Variants in MYOM2 observed in about 807,000 individuals in gnomAD.
The protein encoded by MYOM2 is myomesin 2, also known as myomesin-2.
MYOM2 carries 254 observed loss-of-function variants against 187.6 expected under a neutral mutation model. That is an observed-to-expected ratio of 1.35 (90% CI 1.22 to 1.50). The LOEUF (loss-of-function observed/expected upper bound fraction) is 1.50, where lower values mean the gene tolerates loss of function less well. Ranked by LOEUF, MYOM2 falls within the 40% of genes most tolerant of loss-of-function variation. The pLI is 0.00. For synonymous variants in MYOM2, 981 were observed against 753.8 expected (o/e 1.30, Z -4.94); for missense variants, 2,796 against 1,924.0 (o/e 1.45, Z -8.48).
intron 28 of MYOM2, chr8:2,118,988 A>G (rs1035312917): frequency 2.0e-5 from 3 of 152,306 alleles, no homozygotes; most frequent in African/African-American, 7.2e-5. Context: ...AGGGAAGTGT[A>G]CTGGAGGACC....
intron 35 of MYOM2, among the ~76,000 whole-genome samples, chr8:2,143,048 G>A (rs368359504): frequency 3.3e-5 from 5 of 151,996 alleles, no homozygotes; most frequent in African/African-American, 7.2e-5. Flanking sequence ...GAGCCACTGC[G>A]CCTGGCCAGG....
At chr8:2,086,893 A>G (rs1796110637) in intron 14 of MYOM2, among the ~76,000 whole-genome samples, 1 of 152,026 alleles carries the variant, frequency 6.6e-6, no homozygotes, top group African/African-American at 2.4e-5. Flanking sequence ...GGAAATGCAC[A>G]CAAGACGCAG....
chr8:2,093,983 G>A lies in MYOM2; in HGVS notation c.2017G>A (p.Gly673Ser), dbSNP rs750213023. The change falls in exon 17 of 37, where the codon GGC (glycine) becomes AGC (serine). Residue 673 changes from glycine to serine, a missense_variant. Physicochemically the swap from Gly to Ser is moderately conservative, Grantham distance 56 (BLOSUM62 0). Transcript: ENST00000262113. ...PIGYNRFVVH[G>S]LTTGEQYIFR... The stretch of plus-strand genomic sequence containing the variant: ...TGTGTTTCTCAGGTTCGTGGTGCAC[G>A]GCTTAACCACGGGAGAGCAGTACAT... 2.2e-5 allele frequency: 35 copies of A among 1,614,010 alleles called. No homozygotes were observed. The highest frequency in any genetic ancestry group is 3.3e-5 in the Admixed American group (2 of 59,988).
chr8:2,109,673 T>G, intron 25 of MYOM2, 142 bp downstream of exon 25: 6 of 864,262 alleles, frequency 6.9e-6, no homozygotes, highest in Non-Finnish European at 1.0e-5. Flanking sequence ...GTTGACAAGA[T>G]GAATGGAGAT....
chr8:2,124,357 G>C, intron 31 of MYOM2, 140 bp downstream of exon 31: 2 of 766,022 alleles, frequency 2.6e-6, no homozygotes, highest in East Asian at 5.7e-5. Flanking sequence ...GGAAGGGCAG[G>C]GTGGTGATCT....
chr8:2,081,177 C>T (rs375871108), intron 13 of MYOM2, among the ~76,000 whole-genome samples: 1 of 98,244 alleles, frequency 1.0e-5, no homozygotes, highest in African/African-American at 3.8e-5. Flanking sequence ...TTGGTTCTGG[C>T]CTGCGGGAGG....
intron 3 of MYOM2, among the ~76,000 whole-genome samples, chr8:2,053,051 T>C (rs1389901898): frequency 1.3e-5 from 2 of 152,194 alleles, no homozygotes; most frequent in Non-Finnish European, 2.9e-5. Flanking sequence ...GCGGGTGCCT[T>C]GTTTTATACC....
At chr8:2,137,678 C>G (rs746254286) in intron 32 of MYOM2, among the ~76,000 whole-genome samples, 5 of 152,130 alleles carry the variant, frequency 3.3e-5, no homozygotes, top group Non-Finnish European at 7.3e-5. Context: ...TTTTCTGACT[C>G]TCAACAGAAG....
At chr8:2,112,704 C>T (rs1236929728) in intron 25 of MYOM2, among the ~76,000 whole-genome samples, 1 of 152,144 alleles carries the variant, frequency 6.6e-6, no homozygotes, top group Non-Finnish European at 1.5e-5. Flanking sequence ...TCTCCGGTGG[C>T]ACTGGCATTT....
rs1289885650 is a variant in MYOM2 at position 2,059,141 on chromosome 8, T to C, written c.561-12T>C. 1 of 1,612,466 alleles carries C rather than the reference T, an allele frequency of 6.2e-7. No homozygotes were observed. The highest frequency in any genetic ancestry group is 8.5e-7 in the Non-Finnish European group (1 of 1,178,728). ...TCTGCCTTTAAACTAAAAACATGCC[T>C]CCCTCATTTAGGTACAAAGATGGCA... On this transcript the variant is annotated splice_polypyrimidine_tract_variant and intron_variant, in intron 5 of 36. Transcript: ENST00000262113.
At chr8:2,102,513 C>T (rs1264329365) in intron 20 of MYOM2, among the ~76,000 whole-genome samples, 154 bp from the exon 21 acceptor site, 1 of 142,522 alleles carries the variant, frequency 7.0e-6, no homozygotes, top group East Asian at 1.9e-4. Flanking sequence ...TGTGAATCTC[C>T]TCTTCCCTCC....
intron 18 of MYOM2, 38 bp downstream of exon 18, chr8:2,096,472 G>A (rs1229930860): frequency 6.3e-7 from 1 of 1,595,788 alleles, no homozygotes. Flanking sequence ...TTTTTGCCTG[G>A]GTGGTTCTTT....
chr8:2,059,975 C>T (rs1818798972), intron 6 of MYOM2, among the ~76,000 whole-genome samples: 4 of 152,152 alleles, frequency 2.6e-5, no homozygotes, highest in Admixed American at 2.6e-4. Flanking sequence ...CTCCCGACCT[C>T]ATGTGATCCA....
chr8:2,076,345 A>G (rs1050249158), intron 11 of MYOM2, 63 bp downstream of exon 11: 1 of 1,562,452 alleles, frequency 6.4e-7, no homozygotes, highest in Admixed American at 1.9e-5. Flanking sequence ...CATGGACAAT[A>G]TATTGAGAAA....
chr8:2,052,870 C>T (rs17064586), intron 3 of MYOM2, among the ~76,000 whole-genome samples: 4,458 of 152,254 alleles, frequency 0.029, 238 homozygotes, highest in African/African-American at 0.1. Flanking sequence ...GGAAGGGATT[C>T]TATAAATTGT....
At chr8:2,091,927 C>G (rs4875915) in intron 15 of MYOM2, among the ~76,000 whole-genome samples, 8,663 of 152,232 alleles carry the variant, frequency 0.057, 833 homozygotes, top group African/African-American at 0.2. Context: ...AGGTCATGAT[C>G]GAATTTTGAG....
chr8:2,060,108 G>A (rs996345343), intron 6 of MYOM2, among the ~76,000 whole-genome samples: 1 of 152,142 alleles, frequency 6.6e-6, no homozygotes, highest in Non-Finnish European at 1.5e-5. Context: ...TGCATACACG[G>A]TTTTTACTTT....
chr8:2,073,349 G>GA lies in MYOM2; in HGVS notation c.972dup (p.Glu325ArgfsTer52). On this transcript the variant is annotated frameshift_variant, in exon 10 of 37. Transcript: ENST00000262113. LOFTEE classifies it high-confidence loss of function. ...TTAACGCTCTTTCAGACGTGCTGTT[G>GA]AAAGAGTCCAAGTGGACGAAGATGT... 6.2e-7 allele frequency: 1 copy of GA among 1,607,570 alleles called. No homozygotes were observed. Among genetic ancestry groups the GA allele is most frequent in the Non-Finnish European group, 8.5e-7 (1 of 1,176,400 alleles).
chr8:2,124,242 A>T (rs1563072245), intron 31 of MYOM2, 25 bp downstream of exon 31: 1 of 1,602,858 alleles, frequency 6.2e-7, no homozygotes, highest in Non-Finnish European at 8.5e-7. Context: ...TTTAATTTTC[A>T]AGTCATTTGG....
Sources: allele counts gnomAD v4.1 joint callset (sites outside exome capture counted in the v4.1 genomes callset), GRCh38; gene constraint gnomAD v4.1.1; transcripts MANE v1.5; gene names NCBI Gene and HGNC (gene_info 2026-07-23, HGNC 2026-07-21).